Variants in TXNRD1 observed in about 807,000 individuals in gnomAD.
The protein encoded by TXNRD1 is thioredoxin reductase 1, cytoplasmic.
Under a neutral mutation model 80.3 loss-of-function variants are expected in TXNRD1, and 57 were observed. The ratio of observed to expected loss-of-function variants is 0.71; its 90% CI spans 0.57 to 0.89. TXNRD1 has a LOEUF of 0.89. Ranked by LOEUF, TXNRD1 falls within the 40% of genes least tolerant of loss-of-function variation. The pLI, the probability that TXNRD1 is intolerant of heterozygous loss-of-function variation, is 0.00. For missense variants in TXNRD1, 730 were observed against 803.0 expected (o/e 0.91, Z 1.10); for synonymous variants, 291 against 285.2 (o/e 1.02, Z -0.20).
At chr12:104,344,685 A>G (rs944390277) in intron 16 of TXNRD1, among the ~76,000 whole-genome samples, 3 of 152,172 alleles carry the variant, frequency 2.0e-5, no homozygotes, top group Admixed American at 2.0e-4. Flanking sequence ...CCTCCTATCT[A>G]GCTGTAGTTT....
At chr12:104,220,690 A>T (rs370260634) in intron 1 of TXNRD1, among the ~76,000 whole-genome samples, 3 of 132,926 alleles carry the variant, frequency 2.3e-5, no homozygotes, top group Non-Finnish European at 4.7e-5. Context: ...GTGCCATTGC[A>T]CTCCAGCCTG....
At chr12:104,299,247 G>C (rs34438447) in intron 4 of TXNRD1, among the ~76,000 whole-genome samples, 815 of 152,066 alleles carry the variant, frequency 5.4e-3, no homozygotes, top group South Asian at 0.013. Context: ...TATAAATAAA[G>C]ACACTGGAGG....
At chr12:104,277,954 G>A (rs183169710) in intron 3 of TXNRD1, among the ~76,000 whole-genome samples, 13 of 148,974 alleles carry the variant, frequency 8.7e-5, no homozygotes, top group South Asian at 6.4e-4. Flanking sequence ...TTGGTTCACT[G>A]CAACCTCCGC....
chr12:104,233,844 C>T (rs533698173), intron 1 of TXNRD1, among the ~76,000 whole-genome samples: 6 of 151,960 alleles, frequency 3.9e-5, no homozygotes, highest in South Asian at 4.1e-4. Flanking sequence ...TATTTAGGGC[C>T]GTAAATATAT....
chr12:104,280,216 A>G (rs1593744751), intron 3 of TXNRD1: 1 of 152,032 alleles, frequency 6.6e-6, no homozygotes, highest in Non-Finnish European at 1.5e-5. Context: ...TTCTTGCTGA[A>G]CTTCTTCTAA....
At chr12:104,316,279 TG>T (rs1565898263) in intron 7 of TXNRD1, among the ~76,000 whole-genome samples, 2 of 107,634 alleles carry the variant, frequency 1.9e-5, no homozygotes, top group Admixed American at 2.0e-4. Flanking sequence ...TTGTGGGGGG[TG>T]GGGGTTGTTT....
chr12:104,300,834 C>T (rs1023542597), intron 4 of TXNRD1, among the ~76,000 whole-genome samples: 2 of 152,070 alleles, frequency 1.3e-5, no homozygotes, highest in Non-Finnish European at 2.9e-5. Flanking sequence ...TTAGTAGAGA[C>T]GTGGTTTCTC....
chr12:104,265,175 C>G, intron 3 of TXNRD1: 1 of 803,506 alleles, frequency 1.2e-6, no homozygotes, highest in South Asian at 1.6e-5. Context: ...TCGCTTGAAC[C>G]CGGGAGGTGG....
intron 5 of TXNRD1, among the ~76,000 whole-genome samples, chr12:104,312,071 TATATTTCTTAGTTA>T (rs1292879133): frequency 2.9e-4 from 44 of 152,152 alleles, no homozygotes; most frequent in African/African-American, 8.7e-4. Context: ...ATTAAGCAAA[TATATTTCTTAGTTA>T]ATATTTCTTA....
chr12:104,342,032 C>G (rs771104727), intron 16 of TXNRD1, among the ~76,000 whole-genome samples: 1 of 152,198 alleles, frequency 6.6e-6, no homozygotes, highest in Non-Finnish European at 1.5e-5. Context: ...TCCATGTCCT[C>G]TCTAGGTGTG....
At chr12:104,302,485 C>CTTTTTTTTT (rs1565887593) in intron 4 of TXNRD1, among the ~76,000 whole-genome samples, 1 of 31,788 alleles carries the variant, frequency 3.1e-5, no homozygotes, top group African/African-American at 1.9e-4. Flanking sequence ...GTATTCATTC[C>CTTTTTTTTT]CTTTTTTTTT....
At chr12:104,241,120 A>T (rs560192292) in intron 1 of TXNRD1, among the ~76,000 whole-genome samples, 1 of 150,718 alleles carries the variant, frequency 6.6e-6, no homozygotes, top group Non-Finnish European at 1.5e-5. Flanking sequence ...GCTCACTGCA[A>T]CCTCTGCCTC....
intron 16 of TXNRD1, chr12:104,346,268 T>C (rs1702395465): frequency 5.3e-6 from 1 of 188,392 alleles, no homozygotes; most frequent in Non-Finnish European, 1.1e-5. Context: ...CCGCCTTGGC[T>C]TCCCAAAGTG....
intron 4 of TXNRD1, chr12:104,303,884 A>G: frequency 6.6e-7 from 1 of 1,508,374 alleles, no homozygotes; most frequent in Non-Finnish European, 8.8e-7. Context: ...GCTCGTGATC[A>G]TCCCCGGTAG....
At chr12:104,299,334 C>T (rs2034538878) in intron 4 of TXNRD1, among the ~76,000 whole-genome samples, 3 of 151,890 alleles carry the variant, frequency 2.0e-5, no homozygotes. Context: ...CGTCCCCTCC[C>T]ACAGTCTGTG....
chr12:104,326,676 G>A (rs2035776877), intron 12 of TXNRD1, among the ~76,000 whole-genome samples: 1 of 152,064 alleles, frequency 6.6e-6, no homozygotes, highest in African/African-American at 2.4e-5. Context: ...ATGTTGGTCA[G>A]GCTGGTGTCG....
At chr12:104,274,477 C>G (rs570226026) in intron 3 of TXNRD1, among the ~76,000 whole-genome samples, 1 of 152,118 alleles carries the variant, frequency 6.6e-6, no homozygotes, top group African/African-American at 2.4e-5. Context: ...GGGTGGATCG[C>G]CTGAGTTCAG....
intron 16 of TXNRD1, among the ~76,000 whole-genome samples, chr12:104,345,464 C>A (rs1390137448): frequency 1.3e-5 from 2 of 152,190 alleles, no homozygotes. Context: ...AAGGGAATTA[C>A]TAGAATTCTA....
At chr12:104,325,714 A>G (rs2035735974) in intron 11 of TXNRD1, among the ~76,000 whole-genome samples, 1 of 152,176 alleles carries the variant, frequency 6.6e-6, no homozygotes, top group African/African-American at 2.4e-5. Flanking sequence ...TCTACTAAAA[A>G]TACAAAAATT....
Sources: gnomAD v4.1 joint callset for allele counts (sites outside exome capture counted in the v4.1 genomes callset) on GRCh38, gnomAD v4.1.1 for gene constraint, MANE v1.5 for transcripts, NCBI Gene and HGNC (gene_info 2026-07-23, HGNC 2026-07-21) for gene names.